ARHGAP4: variants seen among roughly 807,000 people sequenced by gnomAD.
ARHGAP4 encodes the protein rho GTPase-activating protein 4.
ARHGAP4 carries 25 observed loss-of-function variants against 67.6 expected under a neutral mutation model. The ratio of observed to expected loss-of-function variants is 0.37; its 90% CI spans 0.27 to 0.52. ARHGAP4 has a LOEUF of 0.52. ARHGAP4 is among the 20% of genes least tolerant of loss of function. The probability of loss-of-function intolerance (pLI) is 0.92; values close to 1 mark genes in which losing one functional copy is unlikely to be tolerated. For synonymous variants in ARHGAP4, 448 were observed against 373.7 expected, an observed-to-expected ratio of 1.20 and a Z score of -2.29; for missense variants, 804 against 854.6, an observed-to-expected ratio of 0.94 and a Z score of 0.74.
intron 5 of ARHGAP4, chrX:153,919,796 T>C (rs2065080730): frequency 2.3e-6 from 2 of 859,001 alleles, no homozygotes; most frequent in East Asian, 7.4e-5. Flanking sequence ...TTTTTTATTT[T>C]TTTTTTTTGA....
intron 20 of ARHGAP4, 80 bp from the exon 21 acceptor site, chrX:153,909,249 G>C: frequency 1.0e-6 from 1 of 979,828 alleles, no homozygotes; most frequent in East Asian, 3.3e-5. Context: ...CCATCCTGGG[G>C]TGTGGCCAAG....
chrX:153,926,074 G>GCTCC, intron 1 of ARHGAP4, 62 bp downstream of exon 1: 1 of 1,171,285 alleles, frequency 8.5e-7, no homozygotes, highest in Non-Finnish European at 1.1e-6. Context: ...GACGCTTGGA[G>GCTCC]CTCCCTCACG....
At position 153,925,707 on chromosome X, in the gene ARHGAP4, G is replaced by A. The variant is rs192643602; in HGVS notation, c.67+429C>T. Among the ~76,000 whole-genome samples, 296 of 111,914 alleles carry A rather than the reference G, an allele frequency of 2.6e-3. 2 individuals carry two copies. Among genetic ancestry groups the A allele is most frequent in the African/African-American group, 8.5e-3 (263 of 30,797 alleles). ...TGCTGAAGCTCCAGGGACTGCAGTG[G>A]GGTTACGGCCAGGTGATCTCCACCA... is the stretch of plus-strand genomic sequence containing the variant. On this transcript the variant is annotated intron_variant, in intron 1 of 21. Coordinates refer to ENST00000350060, the MANE Select transcript of ARHGAP4 (RefSeq NM_001666.5).
chrX:153,920,834 G>A, intron 4 of ARHGAP4, 26 bp from the exon 5 acceptor site: 11 of 1,210,503 alleles, frequency 9.1e-6, no homozygotes, highest in Non-Finnish European at 1.2e-5. Flanking sequence ...AAGCAAGGTG[G>A]TGCTGGTGAA....
At chrX:153,910,475 C>A in intron 16 of ARHGAP4, 31 bp downstream of exon 16, 1 of 1,175,593 alleles carries the variant, frequency 8.5e-7, no homozygotes, top group African/African-American at 1.8e-5. Flanking sequence ...ACCCCTGGCC[C>A]CCACCCCAGC....
At chrX:153,912,877 G>T in intron 11 of ARHGAP4, 75 bp from the exon 12 acceptor site, 2 of 1,117,014 alleles carry the variant, frequency 1.8e-6, no homozygotes, top group South Asian at 2.0e-5. Context: ...GGCCAGCCAA[G>T]CCGGCCTCTA....
intron 7 of ARHGAP4, among the ~76,000 whole-genome samples, chrX:153,915,020 A>G (rs782503083): frequency 8.9e-6 from 1 of 112,740 alleles, no homozygotes; most frequent in South Asian, 3.6e-4. Flanking sequence ...CCCGCCGTAC[A>G]GGACTGCATG....
At chrX:153,923,071 C>G (rs1270518149) in intron 1 of ARHGAP4, among the ~76,000 whole-genome samples, 1 of 110,933 alleles carries the variant, frequency 9.0e-6, no homozygotes, top group Non-Finnish European at 1.9e-5. Flanking sequence ...CCGGTAGGGA[C>G]AGATGGCACA....
chrX:153,921,038 T>C (rs201067385), intron 4 of ARHGAP4, 59 bp downstream of exon 4: 2 of 1,152,015 alleles, frequency 1.7e-6, no homozygotes, highest in African/African-American at 3.6e-5. Context: ...CCTCCCCCAC[T>C]GTGAGTGGCA....
rs782676556 is a variant in ARHGAP4 at position 153,909,801 on chromosome X, C to T, written c.2354G>A (p.Arg785Gln). Residue 785 changes from arginine to glutamine, a missense_variant, in exon 19 of 22, where the codon CGG becomes CAG. Coordinates refer to ENST00000350060, the MANE Select transcript of ARHGAP4 (RefSeq NM_001666.5). ...GCCCCGCATGCCGTTGTGCTCCCCCCGCCACCAGTCGCTCGAGGCCCTCTC... is the reference window on the plus strand; with the variant it reads ...GCCCCGCATGCCGTTGTGCTCCCCCTGCCACCAGTCGCTCGAGGCCCTCTC... ...LHERASSDWW[R>Q]GEHNGMRGLI... The T allele has an allele frequency of 4.0e-5, 48 of 1,200,296 alleles. No individual in the cohort carries two copies. The highest frequency in any genetic ancestry group is 4.3e-5 in the Non-Finnish European group (38 of 890,897).
intron 3 of ARHGAP4, 98 bp from the exon 4 acceptor site, chrX:153,921,257 A>G: frequency 1.7e-6 from 2 of 1,178,283 alleles, no homozygotes; most frequent in Non-Finnish European, 2.3e-6. Context: ...GGGGGCACAC[A>G]GGTTCGCTCT....
In ARHGAP4 at chrX:153,909,802, G is replaced by A. The variant is rs368238109; in HGVS notation, c.2353C>T (p.Arg785Trp). The A allele has an allele frequency of 4.1e-5, 49 of 1,200,523 alleles. No homozygotes were observed. In the South Asian group the frequency reaches 6.5e-4, roughly 16 times the overall value. The change falls in exon 19 of 22, where the codon CGG becomes TGG. Residue 785 changes from arginine (R) to tryptophan (W), a missense_variant. Coordinates refer to ENST00000350060, the MANE Select transcript of ARHGAP4 (RefSeq NM_001666.5). Reference protein sequence around the residue: ...LHERASSDWWRGEHNGMRGLI... With the variant: ...LHERASSDWWWGEHNGMRGLI... Reference sequence around the variant, plus strand: ...CCCCGCATGCCGTTGTGCTCCCCCCGCCACCAGTCGCTCGAGGCCCTCTCG... The same window carrying A: ...CCCCGCATGCCGTTGTGCTCCCCCCACCACCAGTCGCTCGAGGCCCTCTCG...
intron 1 of ARHGAP4, among the ~76,000 whole-genome samples, chrX:153,925,348 G>C (rs190035734): frequency 2.5e-4 from 28 of 112,323 alleles, no homozygotes; most frequent in Non-Finnish European, 4.3e-4. Flanking sequence ...CCACGGGCAA[G>C]TCACTGCACC....
chrX:153,911,817 G>A (rs995014078), intron 12 of ARHGAP4, among the ~76,000 whole-genome samples: 3 of 110,459 alleles, frequency 2.7e-5, no homozygotes, highest in Middle Eastern at 4.6e-3. Context: ...CATGAGAATC[G>A]CTTGAACCCC....
intron 3 of ARHGAP4, 67 bp from the exon 4 acceptor site, chrX:153,921,226 G>A (rs2065091465): frequency 8.5e-7 from 1 of 1,177,456 alleles, no homozygotes; most frequent in African/African-American, 1.8e-5. Context: ...TGGAAGCTCT[G>A]CCCAGATCAA....
At chrX:153,914,089 C>T (rs782274794) in intron 7 of ARHGAP4, 15 of 427,886 alleles carry the variant, frequency 3.5e-5, no homozygotes, top group Non-Finnish European at 5.7e-5. Flanking sequence ...CACCACTCAT[C>T]CAACTGACGG....
In ARHGAP4 at chrX:153,909,145, C is replaced by T. The variant is rs781917726; in HGVS notation, c.2532G>A (p.Glu844=). 1.2e-5 allele frequency: 14 copies of T among 1,209,055 alleles called. No homozygotes were observed. Among genetic ancestry groups the T allele is most frequent in the African/African-American group, 1.7e-5 (1 of 57,436 alleles). ...GTCTGTGTCCAGAGGGTCCCATGGC[C>T]TCAGGTGAGGTGCATGGCTCTGGCC... ...VHRPEPCTSP[E]AMGPSGHRRR... is the part of the protein sequence containing the mutation. The change falls in exon 21 of 22, where the codon GAG becomes GAA. Residue 844 remains glutamate (E), a synonymous_variant. Coordinates refer to ENST00000350060, the MANE Select transcript of ARHGAP4 (RefSeq NM_001666.5).
chrX:153,921,456 C>T lies in ARHGAP4; in HGVS notation c.344G>A (p.Arg115Gln), dbSNP rs782418017. Residue 115 changes from arginine to glutamine, a missense_variant, in exon 3 of 22, where the codon CGG becomes CAG. Arg to Gln is a conservative substitution (Grantham distance 43). Transcript: ENST00000350060. The part of the protein sequence containing the change: ...VLLQHTRQQS[R>Q]ESAALSEVLA... ...CACCTCACTCAGGGCCGCGCTCTCC[C>T]GGCTCTGCTGCCGCGTGTGCTGCAG... 1.1e-5 allele frequency: 13 copies of T among 1,205,262 alleles called. No homozygotes were observed. In the South Asian group the frequency reaches 1.4e-4, roughly 13 times the overall value.
At chrX:153,912,213 G>A (rs1218014183) in intron 12 of ARHGAP4, among the ~76,000 whole-genome samples, 2 of 109,158 alleles carry the variant, frequency 1.8e-5, no homozygotes, top group Non-Finnish European at 3.8e-5. Flanking sequence ...GTAGAGACGG[G>A]GTTTCACCAT....
Sources: gnomAD v4.1 joint callset for allele counts (sites outside exome capture counted in the v4.1 genomes callset) on GRCh38, gnomAD v4.1.1 for gene constraint, MANE v1.5 for transcripts, NCBI Gene and HGNC (gene_info 2026-07-23, HGNC 2026-07-21) for gene names.